The following ERICH6 variants were observed in gnomAD, a reference collection of about 807,000 sequenced individuals.
The protein encoded by ERICH6 is glutamate-rich protein 6.
In ERICH6, 71 loss-of-function variants were observed where a neutral mutation model predicts 71.0. That is an observed-to-expected ratio of 1.00 (90% confidence interval 0.83 to 1.22). The LOEUF (loss-of-function observed/expected upper bound fraction) is 1.22. Among genes scored for constraint, ERICH6 ranks in the 50% most tolerant of loss-of-function variants. The pLI is 0.00. For missense variants in ERICH6, 808 were observed against 797.2 expected (o/e 1.01, Z -0.16); for synonymous variants, 262 against 278.4 (o/e 0.94, Z 0.59).
intron 7 of ERICH6, among the ~76,000 whole-genome samples, chr3:150,681,221 C>T (rs550762890): frequency 6.6e-6 from 1 of 152,222 alleles, no homozygotes; most frequent in Non-Finnish European, 1.5e-5. Flanking sequence ...CAGCCCCTGG[C>T]AACCACTAAT....
intron 6 of ERICH6, among the ~76,000 whole-genome samples, chr3:150,682,585 T>A (rs766441944): frequency 1.3e-5 from 2 of 152,200 alleles, no homozygotes; most frequent in Non-Finnish European, 1.5e-5. Flanking sequence ...CTTCCTGGTA[T>A]AAGAAGAAAG....
At chr3:150,662,287 C>T (rs906646183) in intron 13 of ERICH6, among the ~76,000 whole-genome samples, 3 of 152,148 alleles carry the variant, frequency 2.0e-5, no homozygotes, top group Admixed American at 1.3e-4. Context: ...CTTTAATTTC[C>T]TGATCACAGA....
chr3:150,702,189 A>C lies in ERICH6; in HGVS notation c.404-11T>G. The C allele has an allele frequency of 6.4e-7, 1 of 1,564,524 alleles. No individual in the cohort carries two copies. The highest frequency in any genetic ancestry group is 8.7e-7 in the Non-Finnish European group (1 of 1,143,576). ...ATATTTTAGGGAAACCTGTTGAATG[A>C]AACATTTAAAAATCAGCTATTCCCT... On this transcript the variant is annotated splice_polypyrimidine_tract_variant and intron_variant, in intron 1 of 13. Coordinates refer to ENST00000295910, the MANE Select transcript of ERICH6 (RefSeq NM_152394.5).
chr3:150,670,596 T>C (rs993515780), intron 11 of ERICH6, among the ~76,000 whole-genome samples: 45 of 151,130 alleles, frequency 3.0e-4, no homozygotes, highest in Non-Finnish European at 4.9e-4. Flanking sequence ...GCAGATGACA[T>C]GTTCTTGTAT....
rs1278819436 is a variant in ERICH6 at position 150,682,278 on chromosome 3, A to G, written c.822T>C (p.Cys274=). Residue 274 remains cysteine, a synonymous_variant, in exon 7 of 14, where the codon TGT becomes TGC. Coordinates refer to ENST00000295910, the MANE Select transcript of ERICH6 (RefSeq NM_152394.5). ...AAAAAAATGCTCTTAGATCGCTGCC[A>G]CAAAATTCACATTTGGGTGATGTCT... ...EEETSPKCEF[C]GSDLRAFFSN... The G allele has an allele frequency of 6.2e-7, 1 of 1,613,708 alleles. No individual in the cohort carries two copies. The highest frequency in any genetic ancestry group is 1.3e-5 in the African/African-American group (1 of 74,940).
chr3:150,672,255 T>TTATA (rs929327217), intron 11 of ERICH6, among the ~76,000 whole-genome samples: 1 of 82,176 alleles, frequency 1.2e-5, no homozygotes. Flanking sequence ...AAGAATCCAT[T>TTATA]TATATATACA....
chr3:150,696,224 T>G (rs909095247), intron 3 of ERICH6, among the ~76,000 whole-genome samples: 23 of 147,522 alleles, frequency 1.6e-4, no homozygotes, highest in African/African-American at 5.7e-4. Context: ...TTGGACTGGT[T>G]AAGGAGTAGT....
intron 12 of ERICH6, among the ~76,000 whole-genome samples, chr3:150,668,770 T>C (rs73003061): frequency 0.033 from 5,051 of 152,304 alleles, 261 homozygotes; most frequent in African/African-American, 0.12. Context: ...ACAGAGTATA[T>C]ACATAGTAGG....
chr3:150,687,458 A>C (rs1172263960), intron 3 of ERICH6, among the ~76,000 whole-genome samples: 1 of 152,216 alleles, frequency 6.6e-6, no homozygotes, highest in African/African-American at 2.4e-5. Context: ...CATGCTTTGC[A>C]TACCCTTTTG....
chr3:150,701,329 A>G (rs1469377794), intron 2 of ERICH6, among the ~76,000 whole-genome samples: 1 of 152,210 alleles, frequency 6.6e-6, no homozygotes, highest in South Asian at 2.1e-4. Context: ...GTGGGAATTC[A>G]ATACACATGT....
chr3:150,684,581 G>T (rs1009098968), intron 6 of ERICH6, among the ~76,000 whole-genome samples: 13 of 152,132 alleles, frequency 8.5e-5, no homozygotes, highest in Non-Finnish European at 1.5e-4. Flanking sequence ...TCTCCACATG[G>T]CCATGGCATC....
At chr3:150,694,872 C>T (rs1408752929) in intron 3 of ERICH6, among the ~76,000 whole-genome samples, 1 of 152,170 alleles carries the variant, frequency 6.6e-6, no homozygotes, top group African/African-American at 2.4e-5. Context: ...AATCTATGTG[C>T]ACAGTTCTGG....
chr3:150,693,763 G>C (rs1712542607), intron 3 of ERICH6, among the ~76,000 whole-genome samples: 1 of 152,156 alleles, frequency 6.6e-6, no homozygotes, highest in Non-Finnish European at 1.5e-5. Flanking sequence ...TATACTTGTT[G>C]TTAGATTCTT....
At chr3:150,675,917 T>C (rs1191128895) in intron 10 of ERICH6, among the ~76,000 whole-genome samples, 1 of 151,688 alleles carries the variant, frequency 6.6e-6, no homozygotes, top group African/African-American at 2.4e-5. Context: ...TCTAGAATTT[T>C]TTTTTTTTCT....
rs1196874235 is a variant in ERICH6 at position 150,660,173 on chromosome 3, A to G, written c.1729-18T>C. On this transcript the variant is annotated intron_variant, in intron 13 of 13. Coordinates refer to ENST00000295910, the MANE Select transcript of ERICH6 (RefSeq NM_152394.5). ...TTTGGTAGCTTTTCAGCAAAGAGAA[A>G]GAGAAGGAAACTCAGAGTCCAGAAG... 3 of 1,606,236 alleles carry G rather than the reference A, an allele frequency of 1.9e-6. No individual in the cohort carries two copies. The highest frequency in any genetic ancestry group is 2.2e-5 in the South Asian group (2 of 90,360).
At chr3:150,684,426 G>C (rs1712095848) in intron 6 of ERICH6, among the ~76,000 whole-genome samples, 1 of 152,094 alleles carries the variant, frequency 6.6e-6, no homozygotes, top group Admixed American at 6.6e-5. Flanking sequence ...CATCCATACG[G>C]CATTTCCATT....
In ERICH6 at chr3:150,674,021, T is replaced by G; in HGVS notation, c.1278A>C (p.Leu426Phe). Reference sequence around the variant, plus strand: ...TGCTCCCATGTTTGTAGTGCTTCTCTAAGAGCTCATTCCTGACAACCTATA... The same window carrying G: ...TGCTCCCATGTTTGTAGTGCTTCTCGAAGAGCTCATTCCTGACAACCTATA... ...ACGKVVRNELLEKHYKHGSKF... is the reference protein window; with the variant it reads ...ACGKVVRNELFEKHYKHGSKF... Residue 426 changes from leucine (L) to phenylalanine (F), a missense_variant, in exon 11 of 14, where the codon TTA becomes TTC. Leu to Phe is a conservative substitution (Grantham distance 22). Around this residue, in one of 3 missense-constraint regions of ERICH6, gnomAD observed 736 missense variants for 712.2 expected, o/e 1.03. Coordinates refer to ENST00000295910, the MANE Select transcript of ERICH6 (RefSeq NM_152394.5). The G allele has an allele frequency of 6.2e-7, 1 of 1,614,088 alleles. No homozygotes were observed. Among genetic ancestry groups the G allele is most frequent in the Non-Finnish European group, 8.5e-7 (1 of 1,179,962 alleles).
intron 13 of ERICH6, among the ~76,000 whole-genome samples, chr3:150,664,160 G>C (rs1576545461): frequency 1.3e-5 from 2 of 152,020 alleles, no homozygotes; most frequent in South Asian, 2.1e-4. Context: ...CCAGGAAGAA[G>C]AGATCATCAG....
intron 13 of ERICH6, among the ~76,000 whole-genome samples, chr3:150,662,214 G>C (rs1727249949): frequency 6.6e-6 from 1 of 152,206 alleles, no homozygotes. Flanking sequence ...GAGCGAATGA[G>C]TGAGGGGAAA....
Sources: gnomAD v4.1 joint callset for allele counts (sites outside exome capture counted in the v4.1 genomes callset) on GRCh38, gnomAD v4.1.1 for gene constraint, gnomAD v4.1.1 regional missense constraint, MANE v1.5 for transcripts, NCBI Gene and HGNC (gene_info 2026-07-23, HGNC 2026-07-21) for gene names.